NMBR: variants seen among roughly 807,000 people sequenced by gnomAD.
NMBR encodes neuromedin B receptor, also known as neuromedin-B receptor.
NMBR carries 16 observed loss-of-function variants against 20.5 expected under a neutral mutation model. That is an observed-to-expected ratio of 0.78 (90% confidence interval 0.53 to 1.19). The LOEUF (loss-of-function observed/expected upper bound fraction) is 1.19. Ranked by LOEUF, NMBR falls within the 50% of genes most tolerant of loss-of-function variation. NMBR has a pLI of 0.00. For synonymous variants in NMBR, 212 were observed against 196.6 expected (o/e 1.08, Z -0.65); for missense variants, 582 against 499.1 (o/e 1.17, Z -1.58).
At chr6:142,104,681 C>T (rs1777628255) in intron 1 of NMBR, among the ~76,000 whole-genome samples, 1 of 152,166 alleles carries the variant, frequency 6.6e-6, no homozygotes, top group Non-Finnish European at 1.5e-5. Flanking sequence ...AAGGAAAAGA[C>T]TTAAGACAGT....
intron 1 of NMBR, among the ~76,000 whole-genome samples, chr6:142,110,955 A>G (rs756354873): frequency 9.2e-5 from 14 of 152,140 alleles, no homozygotes; most frequent in Non-Finnish European, 1.9e-4. Flanking sequence ...AATAAGACAT[A>G]CTGGCTGCGT....
intron 1 of NMBR, among the ~76,000 whole-genome samples, chr6:142,139,703 T>C (rs1435049864): frequency 1.3e-5 from 2 of 152,222 alleles, no homozygotes; most frequent in East Asian, 3.8e-4. Context: ...ACGAGACAGG[T>C]GGTTTAGACA....
chr6:142,130,226 T>G (rs1778115203), intron 1 of NMBR, among the ~76,000 whole-genome samples: 1 of 152,070 alleles, frequency 6.6e-6, no homozygotes, highest in Admixed American at 6.6e-5. Context: ...CAATCTACAT[T>G]ACCTTGCAAA....
At chr6:142,137,444 G>C (rs1050259066) in intron 1 of NMBR, among the ~76,000 whole-genome samples, 1 of 152,190 alleles carries the variant, frequency 6.6e-6, no homozygotes, top group African/African-American at 2.4e-5. Flanking sequence ...TCTGCAAAAA[G>C]GGACAATTTG....
chr6:142,113,160 A>G (rs1355741443), intron 1 of NMBR, among the ~76,000 whole-genome samples: 3 of 152,124 alleles, frequency 2.0e-5, no homozygotes, highest in Non-Finnish European at 2.9e-5. Flanking sequence ...AAGCTGAAAT[A>G]TATACTTTCA....
intron 1 of NMBR, among the ~76,000 whole-genome samples, chr6:142,143,067 G>A (rs551677822): frequency 1.1e-3 from 161 of 151,906 alleles, no homozygotes; most frequent in African/African-American, 3.8e-3. Flanking sequence ...CCTGGGGGAC[G>A]GAACAAGACT....
intron 1 of NMBR, among the ~76,000 whole-genome samples, chr6:142,133,582 A>G (rs1321059739): frequency 2.0e-5 from 3 of 152,114 alleles, no homozygotes; most frequent in Non-Finnish European, 4.4e-5. Context: ...AATGGTGGGG[A>G]TATTAATTGA....
At chr6:142,114,039 T>C (rs1385028427) in intron 1 of NMBR, among the ~76,000 whole-genome samples, 1 of 152,106 alleles carries the variant, frequency 6.6e-6, no homozygotes, top group Non-Finnish European at 1.5e-5. Context: ...TTTCTCAGCA[T>C]GAAGAGCCCA....
intron 1 of NMBR, among the ~76,000 whole-genome samples, chr6:142,095,072 T>C (rs995161920): frequency 6.6e-6 from 1 of 152,160 alleles, no homozygotes; most frequent in African/African-American, 2.4e-5. Context: ...TGGGGTTTTC[T>C]AGATATACAA....
rs1776905248 is a variant in NMBR, at chr6:142,075,205, C to A, written c.*443G>T. Among the ~76,000 whole-genome samples, 1 of 151,952 alleles carries A rather than the reference C, an allele frequency of 6.6e-6. No individual in the cohort carries two copies. Among genetic ancestry groups the A allele is most frequent in the African/African-American group, 2.4e-5 (1 of 41,404 alleles). On this transcript the variant is annotated 3_prime_UTR_variant, in exon 4 of 4. Transcript: ENST00000258042. ...TCAAATAATAGGAGTTTGAATATTA[C>A]CCTCACTGAATCATTGAGTCAATAT...
rs541344305 is a variant in NMBR, at chr6:142,132,379, G to A, written c.-664+14665C>T. Among the ~76,000 whole-genome samples the A allele has an allele frequency of 5.9e-5, 9 of 152,252 alleles. No homozygotes were observed. In the South Asian group the frequency reaches 1.9e-3, roughly 32 times the overall value. On this transcript the variant is annotated intron_variant, in intron 1 of 3. Transcript: ENST00000258042. Reference sequence around the variant, plus strand: ...ACACCCATAACAATGTCTTACAGATGATGTATCTGCTGAAGGACAAAAGAA... The same window carrying A: ...ACACCCATAACAATGTCTTACAGATAATGTATCTGCTGAAGGACAAAAGAA...
chr6:142,095,201 T>C (rs2114574499), intron 1 of NMBR, among the ~76,000 whole-genome samples: 1 of 151,904 alleles, frequency 6.6e-6, no homozygotes, highest in East Asian at 1.9e-4. Flanking sequence ...TGAATAGGAG[T>C]GGTGAGAGAG....
intron 1 of NMBR, among the ~76,000 whole-genome samples, chr6:142,099,013 G>A (rs1370699009): frequency 6.6e-6 from 1 of 152,138 alleles, no homozygotes; most frequent in Non-Finnish European, 1.5e-5. Context: ...CATAAATACA[G>A]CCAACTGCTC....
intron 2 of NMBR, among the ~76,000 whole-genome samples, chr6:142,086,657 A>AT (rs1395772395): frequency 6.6e-6 from 1 of 152,140 alleles, no homozygotes; most frequent in African/African-American, 2.4e-5. Context: ...TTCATCCTGT[A>AT]TTCACAGAAT....
At chr6:142,109,843 G>A (rs1777729135) in intron 1 of NMBR, among the ~76,000 whole-genome samples, 1 of 152,088 alleles carries the variant, frequency 6.6e-6, no homozygotes, top group African/African-American at 2.4e-5. Context: ...AGAGGCCCAA[G>A]GGAGTTTATT....
intron 1 of NMBR, among the ~76,000 whole-genome samples, chr6:142,095,048 T>A (rs1242791237): frequency 6.6e-6 from 1 of 152,162 alleles, no homozygotes; most frequent in Non-Finnish European, 1.5e-5. Flanking sequence ...TAAGGAGATT[T>A]TGGGCTGAGA....
chr6:142,075,458 C>T lies in NMBR; in HGVS notation c.*190G>A, dbSNP rs1776913497. 3.7e-6 allele frequency: 2 copies of T among 534,816 alleles called. No homozygotes were observed. The highest frequency in any genetic ancestry group is 6.1e-5 in the East Asian group (2 of 32,538). The allele number at this position is 534,816 out of a possible 1,614,324, so 33.1% of individuals were successfully genotyped here. ...TATGTAGTGATTTAAAGTCTTTTCT[C>T]ATATTCTAATTATTAGGAAATGAAA... is the stretch of plus-strand genomic sequence containing the variant. On this transcript the variant is annotated 3_prime_UTR_variant, in exon 4 of 4. Coordinates refer to ENST00000258042, the MANE Select transcript of NMBR (RefSeq NM_002511.4).
intron 1 of NMBR, among the ~76,000 whole-genome samples, chr6:142,123,311 A>T (rs981600419): frequency 6.6e-6 from 1 of 151,878 alleles, no homozygotes; most frequent in Non-Finnish European, 1.5e-5. Context: ...CTCATGATAA[A>T]ACCAGGAGTT....
At chr6:142,103,651 T>G (rs1304812005) in intron 1 of NMBR, among the ~76,000 whole-genome samples, 1 of 152,198 alleles carries the variant, frequency 6.6e-6, no homozygotes, top group Non-Finnish European at 1.5e-5. Flanking sequence ...AAAATACCAG[T>G]TGTTTCTCCA....
Sources: allele counts gnomAD v4.1 joint callset (sites outside exome capture counted in the v4.1 genomes callset), GRCh38; gene constraint gnomAD v4.1.1; transcripts MANE v1.5; gene names NCBI Gene and HGNC (gene_info 2026-07-23, HGNC 2026-07-21).